Variants in DNAH8 observed in about 807,000 individuals in gnomAD.
DNAH8 encodes the protein dynein axonemal heavy chain 8.
DNAH8 carries 382 observed loss-of-function variants against 562.1 expected under a neutral mutation model. That is an observed-to-expected ratio of 0.68 (90% CI 0.63 to 0.74). DNAH8 has a LOEUF of 0.74. Among genes scored for constraint, DNAH8 ranks in the 30% least tolerant of loss-of-function variants. The pLI is 0.00. For synonymous variants in DNAH8, 1,881 were observed against 1,919.4 expected (o/e 0.98, Z 0.52); for missense variants, 5,203 against 5,620.4 (o/e 0.93, Z 2.37).
At chr6:38,770,015 C>G (rs72849162) in intron 11 of DNAH8, among the ~76,000 whole-genome samples, 1 of 152,072 alleles carries the variant, frequency 6.6e-6, no homozygotes, top group African/African-American at 2.4e-5. Flanking sequence ...CTTTATGACC[C>G]TCTTTTGGAA....
chr6:38,750,688 C>T (rs1212669289), intron 9 of DNAH8, 99 bp downstream of exon 9: 3 of 687,284 alleles, frequency 4.4e-6, no homozygotes, highest in Non-Finnish European at 4.8e-6. Context: ...TCGCTTGAGC[C>T]CAGGAGTGCA....
chr6:38,929,555 C>T lies in DNAH8; in HGVS notation c.11163C>T (p.Asp3721=), dbSNP rs1393110256. ...NHKYFRTHLE[D]SLSLGRPLLI... ...AATATTTTCGCACACACTTGGAGGA[C>T]AGCCTTTCCTTGGGCCGACCCCTTC... Residue 3721 remains aspartate, a synonymous_variant, in exon 75 of 93, where the codon GAC becomes GAT. Transcript: ENST00000327475. 3 of 1,612,942 alleles carry T rather than the reference C, an allele frequency of 1.9e-6. No homozygotes were observed. Among genetic ancestry groups the T allele is most frequent in the Middle Eastern group, 1.7e-4 (1 of 6,054 alleles).
chr6:38,986,330 G>A (rs1246996290), intron 87 of DNAH8, among the ~76,000 whole-genome samples: 2 of 152,078 alleles, frequency 1.3e-5, no homozygotes, highest in Admixed American at 6.6e-5. Flanking sequence ...AGTGTTGAGT[G>A]CAGAGCTTTA....
chr6:38,896,023 T>G lies in DNAH8; in HGVS notation c.8748-10T>G, dbSNP rs1276215293. 1 of 1,606,776 alleles carries G rather than the reference T, an allele frequency of 6.2e-7. No homozygotes were observed. The highest frequency in any genetic ancestry group is 1.7e-5 in the Admixed American group (1 of 58,972). On this transcript the variant is annotated splice_polypyrimidine_tract_variant and intron_variant, in intron 59 of 92. Coordinates refer to ENST00000327475, the MANE Select transcript of DNAH8 (RefSeq NM_001206927.2). ...TATTTAACATTCTTACTACTACATT[T>G]TCCTTTCAGATTTATAACTCCTGAA...
At chr6:38,807,046 A>G (rs1219972720) in intron 23 of DNAH8, among the ~76,000 whole-genome samples, 2 of 152,202 alleles carry the variant, frequency 1.3e-5, no homozygotes, top group African/African-American at 4.8e-5. Context: ...ATCTCTGCCT[A>G]CCAGGCTCAA....
At chr6:38,751,320 C>T (rs947084167) in intron 9 of DNAH8, among the ~76,000 whole-genome samples, 1 of 152,182 alleles carries the variant, frequency 6.6e-6, no homozygotes, top group Non-Finnish European at 1.5e-5. Context: ...TGGAATCTAC[C>T]TTCTTTTAAT....
At chr6:38,949,080 AT>A (rs1174523726) in intron 80 of DNAH8, among the ~76,000 whole-genome samples, 1 of 152,046 alleles carries the variant, frequency 6.6e-6, no homozygotes, top group East Asian at 1.9e-4. Flanking sequence ...CATCTAGTGG[AT>A]AGGGACGCTG....
Position 39,030,289 on chromosome 6 carries a change from G to C in DNAH8, c.14021G>C (p.Arg4674Thr), listed in dbSNP as rs774150212. The C allele has an allele frequency of 1.6e-5, 26 of 1,613,972 alleles. No individual in the cohort carries two copies. Among genetic ancestry groups the C allele is most frequent in the Non-Finnish European group, 2.1e-5 (25 of 1,180,020 alleles). Reference protein sequence around the residue: ...LYVCPIYKKPRRTDLTFITVV... With the variant: ...LYVCPIYKKPTRTDLTFITVV... ...GTGTGTCCTATTTACAAGAAACCCA[G>C]GCGAACTGATTTGACCTTCATCACT... The change falls in exon 93 of 93, where the codon AGG (arginine) becomes ACG (threonine). Residue 4674 changes from arginine (R) to threonine (T), a missense_variant. Coordinates refer to ENST00000327475, the MANE Select transcript of DNAH8 (RefSeq NM_001206927.2).
At chr6:38,991,199 C>A (rs904757716) in intron 88 of DNAH8, among the ~76,000 whole-genome samples, 2 of 152,216 alleles carry the variant, frequency 1.3e-5, no homozygotes, top group East Asian at 3.9e-4. Context: ...GGCCTCTTTA[C>A]ACCCACCTTG....
intron 53 of DNAH8, among the ~76,000 whole-genome samples, chr6:38,882,598 T>C (rs1388403835): frequency 1.3e-5 from 2 of 152,112 alleles, no homozygotes; most frequent in African/African-American, 4.8e-5. Flanking sequence ...ATCAAAACAC[T>C]ACTTATTGGG....
intron 61 of DNAH8, 35 bp from the exon 62 acceptor site, chr6:38,899,741 T>G: frequency 6.2e-7 from 1 of 1,610,870 alleles, no homozygotes; most frequent in Non-Finnish European, 8.5e-7. Context: ...ATTGCATTCT[T>G]TTTTCAAATA....
In DNAH8 at chr6:38,873,063, C is replaced by T. The variant is rs1445150957; in HGVS notation, c.7395C>T (p.Ile2465=). ...AGCTTCTGTTTGAAGTCCACAATAT[C>T]GAGAACGCCTCTCCTGCCACGGTTT... ...SCKLLFEVHN[I]ENASPATVSR... Residue 2465 remains isoleucine (I), a synonymous_variant, in exon 51 of 93, where the codon ATC becomes ATT. Coordinates refer to ENST00000327475, the MANE Select transcript of DNAH8 (RefSeq NM_001206927.2). The T allele has an allele frequency of 1.2e-6, 2 of 1,614,096 alleles. No homozygotes were observed. The highest frequency in any genetic ancestry group is 2.2e-5 in the East Asian group (1 of 44,872).
rs1267184436 is a variant in DNAH8 at position 38,915,191 on chromosome 6, A to T, written c.9964-10A>T. ...TCTATTGGCTTTCATGTGTTTCCTC[A>T]ACTTAACAGGTATTAGCAGAAGTCA... On this transcript the variant is annotated splice_polypyrimidine_tract_variant and intron_variant, in intron 67 of 92. Transcript: ENST00000327475. The T allele has an allele frequency of 6.4e-7, 1 of 1,574,376 alleles. No homozygotes were observed. The highest frequency in any genetic ancestry group is 1.4e-5 in the African/African-American group (1 of 72,464).
chr6:38,895,593 A>G (rs1012612485), intron 59 of DNAH8, among the ~76,000 whole-genome samples: 1 of 152,214 alleles, frequency 6.6e-6, no homozygotes, highest in Admixed American at 6.5e-5. Flanking sequence ...TAAATCATAG[A>G]TGATAATGCC....
chr6:38,780,283 C>T (rs1768456739), intron 15 of DNAH8, among the ~76,000 whole-genome samples: 1 of 152,164 alleles, frequency 6.6e-6, no homozygotes. Context: ...AGTTATCCCA[C>T]CATTATTTAT....
intron 30 of DNAH8, among the ~76,000 whole-genome samples, chr6:38,829,056 C>A (rs959871723): frequency 1.3e-5 from 2 of 152,124 alleles, no homozygotes; most frequent in Non-Finnish European, 2.9e-5. Flanking sequence ...TGTCCATGTG[C>A]GAGGACTTCA....
chr6:38,993,130 T>G (rs774217944), intron 88 of DNAH8, among the ~76,000 whole-genome samples: 8 of 152,224 alleles, frequency 5.3e-5, no homozygotes, highest in African/African-American at 1.7e-4. Context: ...ACCTCAGGGT[T>G]GTTCTTTGTC....
chr6:39,028,026 A>T (rs970765775), intron 92 of DNAH8, among the ~76,000 whole-genome samples: 1 of 152,166 alleles, frequency 6.6e-6, no homozygotes, highest in Non-Finnish European at 1.5e-5. Context: ...CTGCCACCTT[A>T]TAACGAGGGC....
chr6:38,903,461 T>C (rs1780212701), intron 62 of DNAH8, among the ~76,000 whole-genome samples: 1 of 152,094 alleles, frequency 6.6e-6, no homozygotes, highest in Admixed American at 6.6e-5. Flanking sequence ...AAGCCATTCA[T>C]GAGGGATCTG....
Sources: allele counts gnomAD v4.1 joint callset (sites outside exome capture counted in the v4.1 genomes callset), GRCh38; gene constraint gnomAD v4.1.1; transcripts MANE v1.5; gene names NCBI Gene and HGNC (gene_info 2026-07-23, HGNC 2026-07-21).